AGPAT3: variants seen among roughly 807,000 people sequenced by gnomAD.
AGPAT3 encodes 1-acyl-sn-glycerol-3-phosphate acyltransferase gamma.
A neutral mutation model predicts 47.3 loss-of-function variants in AGPAT3; 5 were observed. The observed-to-expected ratio is 0.11, with a 90% CI of 0.06 to 0.22. AGPAT3 has a LOEUF of 0.22. AGPAT3 is among the 10% of genes least tolerant of loss of function. The pLI, the probability that AGPAT3 is intolerant of heterozygous loss-of-function variation, is 1.00. For missense variants in AGPAT3, 315 were observed against 493.0 expected, an observed-to-expected ratio of 0.64 and a Z score of 3.42; for synonymous variants, 212 against 208.3, an observed-to-expected ratio of 1.02 and a Z score of -0.15.
Position 43,955,671 on chromosome 21 carries a change from C to G in AGPAT3, c.-48-3963C>G, listed in dbSNP as rs1427042359. 1.3e-5 allele frequency among the ~76,000 whole-genome samples: 2 copies of G among 151,930 alleles called. No individual in the cohort carries two copies. Among genetic ancestry groups the G allele is most frequent in the African/African-American group, 4.8e-5 (2 of 41,416 alleles). On this transcript the variant is annotated intron_variant, in intron 2 of 9. Coordinates refer to ENST00000291572, the MANE Select transcript of AGPAT3 (RefSeq NM_020132.5). This position sits in a 1 kb window ranked among gnomAD's most constrained non-coding sequence, Gnocchi z 4.1. The stretch of plus-strand genomic sequence containing the variant: ...CTGTAATCCCAGCGCTTTGGGAGGT[C>G]GAGTTGGGCGGATTACCTGAGGTCA...
intron 7 of AGPAT3, among the ~76,000 whole-genome samples, chr21:43,973,260 A>T (rs917504079): frequency 1.3e-5 from 2 of 152,230 alleles, no homozygotes; most frequent in African/African-American, 4.8e-5. Flanking sequence ...GCTCTGAGCC[A>T]CTGTGGACCA....
At chr21:43,874,766 G>A (rs2123530677) in intron 1 of AGPAT3, among the ~76,000 whole-genome samples, 1 of 152,150 alleles carries the variant, frequency 6.6e-6, no homozygotes, top group Non-Finnish European at 1.5e-5. Flanking sequence ...ATCCTGTTTT[G>A]GATTCATTGT....
At chr21:43,886,544 A>C (rs1352453906) in intron 1 of AGPAT3, among the ~76,000 whole-genome samples, 1 of 152,178 alleles carries the variant, frequency 6.6e-6, no homozygotes, top group Non-Finnish European at 1.5e-5. Context: ...GAGCCATCAC[A>C]CCTGGCCAAA....
intron 8 of AGPAT3, among the ~76,000 whole-genome samples, chr21:43,979,313 A>AG (rs1555913875): frequency 4.2e-4 from 61 of 145,878 alleles, no homozygotes; most frequent in Admixed American, 1.0e-3. Flanking sequence ...AAAAAAAAAA[A>AG]AAAGAAAGAA....
At chr21:43,917,585 G>A (rs1415026639) in intron 2 of AGPAT3, among the ~76,000 whole-genome samples, 1 of 152,174 alleles carries the variant, frequency 6.6e-6, no homozygotes, top group East Asian at 1.9e-4. Flanking sequence ...TTATTCCAAA[G>A]CTAGCTTAGG....
intron 8 of AGPAT3, among the ~76,000 whole-genome samples, chr21:43,978,703 A>G (rs1275347474): frequency 6.6e-6 from 1 of 152,202 alleles, no homozygotes; most frequent in African/African-American, 2.4e-5. Context: ...ATTTGGTCAC[A>G]TTTGTTTCAT....
chr21:43,947,470 G>C (rs1300996882), intron 2 of AGPAT3, among the ~76,000 whole-genome samples: 1 of 152,216 alleles, frequency 6.6e-6, no homozygotes, highest in African/African-American at 2.4e-5. Context: ...GGCATCTCCA[G>C]CGAGGCCTGG....
At position 43,986,031 on chromosome 21, in the gene AGPAT3, T is replaced by G. The variant is rs1046758338; in HGVS notation, c.*3639T>G. On this transcript the variant is annotated 3_prime_UTR_variant, in exon 10 of 10. Transcript: ENST00000291572. ...CGGGGGATGGGGCCGGCCACACCCC[T>G]GACTCCGCCCTGGCTCTGCCCCATA... 13 of 152,314 alleles carry G rather than the reference T, an allele frequency of 8.5e-5. No homozygotes were observed. The highest frequency in any genetic ancestry group is 2.7e-4 in the African/African-American group (11 of 41,466). The allele number at this position is 152,314 out of a possible 1,614,324, so 9.4% of individuals were successfully genotyped here. A position where few individuals can be genotyped will look rare whatever the true frequency, so the allele number is the denominator to read the frequency against.
chr21:43,911,398 A>G (rs1351086018), intron 2 of AGPAT3, among the ~76,000 whole-genome samples: 1 of 152,232 alleles, frequency 6.6e-6, no homozygotes, highest in Non-Finnish European at 1.5e-5. Flanking sequence ...CTGCGCTCTT[A>G]TATTGAGGGG....
Position 43,939,550 on chromosome 21 carries a change from C to T in AGPAT3, c.-48-20084C>T, listed in dbSNP as rs369695250. On this transcript the variant is annotated intron_variant, in intron 2 of 9. Coordinates refer to ENST00000291572, the MANE Select transcript of AGPAT3 (RefSeq NM_020132.5). The surrounding 1 kb of genome is among the most constrained non-coding windows in gnomAD (Gnocchi z 4.4). ...CTGAACATGGGACCCGGAGCACCAC[C>T]GTTTAGCAAACCTTGCTGCAGTTTG... Among the ~76,000 whole-genome samples, 15 of 152,318 alleles carry T rather than the reference C, an allele frequency of 9.8e-5. No individual in the cohort carries two copies. The East Asian group carries it at 1.4e-3, about 14-fold the overall frequency.
At chr21:43,940,706 C>T (rs1224804375) in intron 2 of AGPAT3, among the ~76,000 whole-genome samples, 1 of 152,242 alleles carries the variant, frequency 6.6e-6, no homozygotes, top group African/African-American at 2.4e-5. Flanking sequence ...GGCTGATTTA[C>T]ATGGTGATCT....
At chr21:43,873,181 G>A (rs569646239) in intron 1 of AGPAT3, among the ~76,000 whole-genome samples, 1 of 152,202 alleles carries the variant, frequency 6.6e-6, no homozygotes, top group Non-Finnish European at 1.5e-5. Context: ...AGTGGCATGG[G>A]TGTTGGAGTC....
rs949343506 is a variant in AGPAT3 at position 43,982,779 on chromosome 21, A to G, written c.*387A>G. 6 of 172,344 alleles carry G rather than the reference A, an allele frequency of 3.5e-5. No individual in the cohort carries two copies. The highest frequency in any genetic ancestry group is 6.1e-5 in the Non-Finnish European group (5 of 81,912). The allele number at this position is 172,344 out of a possible 1,614,324, so 10.7% of individuals were successfully genotyped here. A position where few individuals can be genotyped will look rare whatever the true frequency, so the allele number is the denominator to read the frequency against. On this transcript the variant is annotated 3_prime_UTR_variant, in exon 10 of 10. Transcript: ENST00000291572. The surrounding 1 kb of genome is among the most constrained non-coding windows in gnomAD (Gnocchi z 6.2). ...TAACCTGGCCCCTCACCTCTTCTGC[A>G]CCCCCCGCCCCCGAAACTGTCTCGT... is the stretch of plus-strand genomic sequence containing the variant.
intron 8 of AGPAT3, among the ~76,000 whole-genome samples, chr21:43,979,763 C>T (rs2089772862): frequency 6.6e-6 from 1 of 152,126 alleles, no homozygotes; most frequent in Admixed American, 6.5e-5. Context: ...AATGTGTGTG[C>T]CAGGACACTC....
Position 43,970,745 on chromosome 21 carries a change from G to A in AGPAT3, c.603G>A (p.Lys201=). 1 of 1,611,916 alleles carries A rather than the reference G, an allele frequency of 6.2e-7. No individual in the cohort carries two copies. Among genetic ancestry groups the A allele is most frequent in the Non-Finnish European group, 8.5e-7 (1 of 1,178,454 alleles). ...VAAAKGLPVL[K]YHLLPRTKGF... is the part of the protein sequence containing the mutation. ...CTGCTAAGGGGCTTCCTGTCCTCAA[G>A]TACCACCTGCTGCCGCGGACCAAGG... Residue 201 remains lysine, a synonymous_variant, in exon 6 of 10, where the codon AAG becomes AAA. Transcript: ENST00000291572. The surrounding 1 kb of genome is among the most constrained non-coding windows in gnomAD (Gnocchi z 5.8).
At chr21:43,914,104 C>T (rs1014665110) in intron 2 of AGPAT3, among the ~76,000 whole-genome samples, 11 of 152,356 alleles carry the variant, frequency 7.2e-5, no homozygotes, top group African/African-American at 2.2e-4. Context: ...CTGCAGGCAG[C>T]CTGTTGCTCT....
Position 43,980,984 on chromosome 21 carries a change from T to TG in AGPAT3, c.844-5_844-4insG. On this transcript the variant is annotated splice_polypyrimidine_tract_variant and splice_region_variant and intron_variant, in intron 8 of 9. Transcript: ENST00000291572. ...CGCTTCCTTTTTCTCTGTTGACTCT[T>TG]CTAGGACGCGCTCCAGGAGATATAT... 6.2e-7 allele frequency: 1 copy of TG among 1,613,974 alleles called. No homozygotes were observed. The highest frequency in any genetic ancestry group is 8.5e-7 in the Non-Finnish European group (1 of 1,179,882).
chr21:43,867,008 G>A (rs2085522655), intron 1 of AGPAT3: 2 of 152,310 alleles, frequency 1.3e-5, no homozygotes, highest in African/African-American at 4.8e-5. Flanking sequence ...CTCCACGCTG[G>A]GGAGCTACAC....
At chr21:43,962,622 G>A (rs1453042136) in intron 3 of AGPAT3, among the ~76,000 whole-genome samples, 1 of 152,070 alleles carries the variant, frequency 6.6e-6, no homozygotes, top group African/African-American at 2.4e-5. Flanking sequence ...CAAAAACCGG[G>A]GTGTGCAGAA....
Sources: allele counts gnomAD v4.1 joint callset (sites outside exome capture counted in the v4.1 genomes callset), GRCh38; gene constraint gnomAD v4.1.1; non-coding constraint Gnocchi (gnomAD v3.1); transcripts MANE v1.5; gene names NCBI Gene and HGNC (gene_info 2026-07-23, HGNC 2026-07-21).